The following SLC26A9 variants were observed in gnomAD, a reference collection of about 807,000 sequenced individuals.
The protein encoded by SLC26A9 is solute carrier family 26 member 9.
A neutral mutation model predicts 87.1 loss-of-function variants in SLC26A9; 46 were observed. The observed-to-expected ratio is 0.53, with a 90% CI of 0.42 to 0.67. The LOEUF is 0.67. Among genes scored for constraint, SLC26A9 ranks in the 30% least tolerant of loss-of-function variants. SLC26A9 has a pLI of 0.00. For missense variants in SLC26A9, 927 were observed against 1,018.3 expected, an observed-to-expected ratio of 0.91 and a Z score of 1.22; for synonymous variants, 437 against 409.1, an observed-to-expected ratio of 1.07 and a Z score of -0.82.
At chr1:205,929,507 T>C in intron 6 of SLC26A9, 151 bp from the exon 7 acceptor site, 1 of 1,241,322 alleles carries the variant, frequency 8.1e-7, no homozygotes. Flanking sequence ...CCCTGTCCCG[T>C]CGCCCACCGC....
At chr1:205,933,577 C>A (rs552612723) in intron 2 of SLC26A9, among the ~76,000 whole-genome samples, 1 of 152,334 alleles carries the variant, frequency 6.6e-6, no homozygotes, top group South Asian at 2.1e-4. Flanking sequence ...TCCTGTTCAT[C>A]TTTGTACACC....
intron 12 of SLC26A9, among the ~76,000 whole-genome samples, chr1:205,925,863 G>T (rs1257453190): frequency 6.6e-6 from 1 of 152,218 alleles, no homozygotes; most frequent in Non-Finnish European, 1.5e-5. Context: ...AAACACACTG[G>T]CCTTCATTAC....
intron 5 of SLC26A9, among the ~76,000 whole-genome samples, chr1:205,930,515 CAG>C (rs1659261518): frequency 6.6e-6 from 1 of 152,144 alleles, no homozygotes; most frequent in African/African-American, 2.4e-5. Flanking sequence ...TGGGCCTCTG[CAG>C]AGTCTCCCAA....
intron 20 of SLC26A9, 149 bp from the exon 21 acceptor site, chr1:205,915,553 AGT>A (rs1558117179): frequency 2.8e-6 from 3 of 1,064,554 alleles, no homozygotes; most frequent in East Asian, 2.6e-5. Context: ...TGTGTGCGAG[AGT>A]GTGTGTGAAC....
intron 4 of SLC26A9, 109 bp from the exon 5 acceptor site, chr1:205,932,144 C>A: frequency 7.8e-7 from 1 of 1,279,508 alleles, no homozygotes; most frequent in Non-Finnish European, 1.1e-6. Context: ...GATCCCTGCA[C>A]CTCCAAGGCT....
chr1:205,933,017 A>T lies in SLC26A9; in HGVS notation c.193T>A (p.Tyr65Asn). The change falls in exon 3 of 21, where the codon TAC becomes AAC. Residue 65 changes from tyrosine (Y) to asparagine (N), a missense_variant. Transcript: ENST00000367135. Reference sequence around the variant, plus strand: ...GGAATGATGTAGTCTTTAATCTTGTACTTGGGGAGCCAGGAGAGCACAGGC... The same window carrying T: ...GGAATGATGTAGTCTTTAATCTTGTTCTTGGGGAGCCAGGAGAGCACAGGC... ...LLPVLSWLPK[Y>N]KIKDYIIPDL... The T allele has an allele frequency of 6.2e-7, 1 of 1,614,092 alleles. No individual in the cohort carries two copies.
At chr1:205,927,688 T>C (rs1219576309) in intron 9 of SLC26A9, 83 bp from the exon 10 acceptor site, 10 of 1,437,032 alleles carry the variant, frequency 7.0e-6, no homozygotes, top group African/African-American at 1.4e-5. Context: ...CAAGCTGGAC[T>C]GTGGGCCTAA....
At chr1:205,921,544 T>C in intron 17 of SLC26A9, 22 bp downstream of exon 17, 1 of 1,597,192 alleles carries the variant, frequency 6.3e-7, no homozygotes, top group Non-Finnish European at 8.5e-7. Flanking sequence ...TGGGTGGTGC[T>C]TGCTGTTCCC....
At chr1:205,923,690 G>C in intron 13 of SLC26A9, 77 bp from the exon 14 acceptor site, 1 of 1,531,046 alleles carries the variant, frequency 6.5e-7, no homozygotes. Flanking sequence ...CTGCTGGGGC[G>C]GGGGCAGAGC....
chr1:205,933,749 T>C (rs1179172181), intron 2 of SLC26A9, among the ~76,000 whole-genome samples: 2 of 152,224 alleles, frequency 1.3e-5, no homozygotes, highest in East Asian at 1.9e-4. Flanking sequence ...CTATCCTTTA[T>C]GTGTGGTAAC....
chr1:205,920,131 A>G, intron 18 of SLC26A9, 45 bp downstream of exon 18: 1 of 1,610,650 alleles, frequency 6.2e-7, no homozygotes, highest in African/African-American at 1.3e-5. Flanking sequence ...CCTACCCCAC[A>G]CTCCTTGCCA....
At chr1:205,928,326 G>T (rs1659168102) in intron 8 of SLC26A9, 1 of 490,672 alleles carries the variant, frequency 2.0e-6, no homozygotes. Context: ...CCCAGATTCT[G>T]AACCCTGTAT....
In SLC26A9 at chr1:205,928,763, G is replaced by A. The variant is rs544259967; in HGVS notation, c.953+64C>T. On this transcript the variant is annotated intron_variant, in intron 8 of 20. Coordinates refer to ENST00000367135, the MANE Select transcript of SLC26A9 (RefSeq NM_052934.4). ...TAGAGTTCATCTTGTCTCCCTCTCC[G>A]AGCTCAGGCCTTAGTGGGGCATGAG... 4.3e-4 allele frequency: 644 copies of A among 1,484,838 alleles called. 2 individuals are homozygous for A. The highest frequency in any genetic ancestry group is 4.7e-4 in the Non-Finnish European group (498 of 1,063,938). The allele number at this position is 1,484,838 out of a possible 1,614,324, so 92.0% of individuals were successfully genotyped here.
chr1:205,927,438 T>C, intron 10 of SLC26A9, 54 bp downstream of exon 10: 1 of 1,583,986 alleles, frequency 6.3e-7, no homozygotes, highest in Non-Finnish European at 8.6e-7. Context: ...CAGGCTTTTT[T>C]GGGGCAACTG....
chr1:205,941,208 A>G (rs1278324494), intron 1 of SLC26A9, among the ~76,000 whole-genome samples: 3 of 151,834 alleles, frequency 2.0e-5, no homozygotes, highest in Non-Finnish European at 4.4e-5. Flanking sequence ...TCCCTCTGTC[A>G]CCCAGGCTGG....
chr1:205,917,066 C>A (rs1279703782), intron 20 of SLC26A9, among the ~76,000 whole-genome samples: 2 of 145,760 alleles, frequency 1.4e-5, no homozygotes, highest in Admixed American at 1.4e-4. Context: ...GCATTCCAGT[C>A]TGGGTGATAG....
Position 205,932,053 on chromosome 1 carries a change from G to T in SLC26A9, c.377-18C>A, listed in dbSNP as rs1254969725. 1 of 1,612,616 alleles carries T rather than the reference G, an allele frequency of 6.2e-7. No homozygotes were observed. The highest frequency in any genetic ancestry group is 8.5e-7 in the Non-Finnish European group (1 of 1,179,300). On this transcript the variant is annotated intron_variant, in intron 4 of 20. Transcript: ENST00000367135. ...AAAGGTACCTGTGGTGCCCCACCCA[G>T]CCAGCAAAAATCAGAGGTTTGAACC...
At chr1:205,920,452 G>C (rs531788178) in intron 17 of SLC26A9, among the ~76,000 whole-genome samples, 2 of 152,202 alleles carry the variant, frequency 1.3e-5, no homozygotes, top group Non-Finnish European at 2.9e-5. Context: ...TTTTGCCAAC[G>C]TGGCGGGCAC....
chr1:205,915,522 G>GTA (rs1658555327), intron 20 of SLC26A9, 118 bp from the exon 21 acceptor site: 1 of 211,034 alleles, frequency 4.7e-6, no homozygotes, highest in Non-Finnish European at 8.6e-6. Flanking sequence ...AAGCACCTGT[G>GTA]TGTGTGTGTG....
Sources: gnomAD v4.1 joint callset for allele counts (sites outside exome capture counted in the v4.1 genomes callset) on GRCh38, gnomAD v4.1.1 for gene constraint, MANE v1.5 for transcripts, NCBI Gene and HGNC (gene_info 2026-07-23, HGNC 2026-07-21) for gene names.